Variants in SGMS1 observed in about 807,000 individuals in gnomAD.
SGMS1 encodes sphingomyelin synthase 1.
A neutral mutation model predicts 46.2 loss-of-function variants in SGMS1; 13 were observed. The ratio of observed to expected loss-of-function variants is 0.28; its 90% confidence interval spans 0.18 to 0.45. The LOEUF is 0.45. Ranked by LOEUF, SGMS1 falls within the 20% of genes least tolerant of loss-of-function variation. The pLI is 1.00. For synonymous variants in SGMS1, 203 were observed against 187.8 expected, an observed-to-expected ratio of 1.08 and a Z score of -0.66; for missense variants, 324 against 519.9, an observed-to-expected ratio of 0.62 and a Z score of 3.66.
At chr10:50,310,869 G>C (rs990805707) in intron 9 of SGMS1, among the ~76,000 whole-genome samples, 1 of 152,190 alleles carries the variant, frequency 6.6e-6, no homozygotes, top group Admixed American at 6.5e-5. Flanking sequence ...ATAGTGCCAA[G>C]TGCTGAAAAA....
intron 5 of SGMS1, among the ~76,000 whole-genome samples, chr10:50,453,726 CAA>C (rs1837141945): frequency 7.2e-6 from 1 of 138,106 alleles, no homozygotes; most frequent in Admixed American, 7.5e-5. Flanking sequence ...CCAGAAAACC[CAA>C]AGATTCTCAG....
chr10:50,432,098 A>G (rs1048572199), intron 6 of SGMS1, among the ~76,000 whole-genome samples: 4 of 152,200 alleles, frequency 2.6e-5, no homozygotes, highest in African/African-American at 9.7e-5. Flanking sequence ...GAGGCAGATA[A>G]TTAAAGAATT....
At chr10:50,361,718 A>G (rs980346008) in intron 6 of SGMS1, among the ~76,000 whole-genome samples, 1 of 152,072 alleles carries the variant, frequency 6.6e-6, no homozygotes, top group African/African-American at 2.4e-5. Flanking sequence ...TTCTGCCTCC[A>G]GCCTGGCTCA....
chr10:50,382,592 C>CACA (rs1360299354), intron 6 of SGMS1, among the ~76,000 whole-genome samples: 4 of 149,258 alleles, frequency 2.7e-5, no homozygotes, highest in Non-Finnish European at 4.5e-5. Flanking sequence ...CACACACACA[C>CACA]AACTTCCCCA....
chr10:50,483,294 G>A (rs936350256), intron 3 of SGMS1, among the ~76,000 whole-genome samples: 5 of 152,116 alleles, frequency 3.3e-5, no homozygotes, highest in Non-Finnish European at 7.4e-5. Context: ...TGTCCAGGCT[G>A]GTCTTGAACT....
intron 3 of SGMS1, among the ~76,000 whole-genome samples, chr10:50,480,450 T>C (rs570689991): frequency 6.6e-6 from 1 of 152,034 alleles, no homozygotes; most frequent in African/African-American, 2.4e-5. Flanking sequence ...CCAGATTCTC[T>C]CACTGGGACT....
At chr10:50,623,313 G>A (rs1189390027) in intron 1 of SGMS1, among the ~76,000 whole-genome samples, 1 of 152,148 alleles carries the variant, frequency 6.6e-6, no homozygotes, top group East Asian at 1.9e-4. Flanking sequence ...GACCCCGGGC[G>A]GGCTACTGCC....
chr10:50,603,904 C>G (rs1838671192), intron 1 of SGMS1, among the ~76,000 whole-genome samples: 1 of 152,124 alleles, frequency 6.6e-6, no homozygotes, highest in Admixed American at 6.5e-5. Flanking sequence ...TTATTATTTA[C>G]TAAATTTTCA....
chr10:50,350,454 T>C (rs1847989429), intron 6 of SGMS1, among the ~76,000 whole-genome samples: 1 of 152,160 alleles, frequency 6.6e-6, no homozygotes, highest in African/African-American at 2.4e-5. Flanking sequence ...AGGAGCTTAG[T>C]GTTAATCCCC....
chr10:50,311,139 C>T, intron 9 of SGMS1, 123 bp downstream of exon 9: 1 of 1,155,526 alleles, frequency 8.7e-7, no homozygotes, highest in Non-Finnish European at 1.2e-6. Flanking sequence ...GATGAAGCTG[C>T]AAGCCTCCTG....
chr10:50,624,992 C>A (rs1838908903), upstream of SGMS1: 2 of 1,027,454 alleles, frequency 1.9e-6, no homozygotes, highest in Admixed American at 5.4e-5. Flanking sequence ...TCGGAACCGA[C>A]CTGGGAGCTG....
chr10:50,383,791 A>AT (rs150631552), intron 6 of SGMS1, among the ~76,000 whole-genome samples: 1,934 of 152,276 alleles, frequency 0.013, 42 homozygotes, highest in African/African-American at 0.044. Context: ...CAAAGATGCC[A>AT]TTTTTTCAGT....
intron 6 of SGMS1, among the ~76,000 whole-genome samples, chr10:50,407,792 CTTTG>C (rs1849038164): frequency 6.6e-6 from 1 of 152,084 alleles, no homozygotes; most frequent in African/African-American, 2.4e-5. Context: ...AATAATATAC[CTTTG>C]TTTGGCCTAA....
intron 1 of SGMS1, among the ~76,000 whole-genome samples, chr10:50,611,354 A>C (rs1339564646): frequency 1.3e-5 from 2 of 152,188 alleles, no homozygotes; most frequent in African/African-American, 4.8e-5. Context: ...CTTGTGACAG[A>C]GTGGTTATTA....
At chr10:50,477,793 C>T (rs930533892) in intron 3 of SGMS1, among the ~76,000 whole-genome samples, 7 of 152,106 alleles carry the variant, frequency 4.6e-5, no homozygotes, top group African/African-American at 1.4e-4. Flanking sequence ...CTTTCCCTTC[C>T]CAGCCATGTG....
intron 6 of SGMS1, among the ~76,000 whole-genome samples, chr10:50,352,258 G>A (rs573736813): frequency 6.6e-6 from 1 of 152,224 alleles, no homozygotes; most frequent in East Asian, 1.9e-4. Context: ...CAGCTATACA[G>A]GGTGAGGTAA....
intron 6 of SGMS1, among the ~76,000 whole-genome samples, chr10:50,347,262 T>A (rs139258943): frequency 0.013 from 2,039 of 152,316 alleles, 17 homozygotes; most frequent in Non-Finnish European, 0.023. Flanking sequence ...TCTTCAAAAA[T>A]ATTCCTTTGA....
At chr10:50,406,836 C>T (rs1849022597) in intron 6 of SGMS1, among the ~76,000 whole-genome samples, 1 of 152,038 alleles carries the variant, frequency 6.6e-6, no homozygotes, top group African/African-American at 2.4e-5. Flanking sequence ...TCCCAGGCAG[C>T]TAGGGCTACA....
At chr10:50,426,711 G>A (rs1849330904) in intron 6 of SGMS1, among the ~76,000 whole-genome samples, 1 of 152,172 alleles carries the variant, frequency 6.6e-6, no homozygotes, top group Admixed American at 6.5e-5. Context: ...AGGAAGAAAG[G>A]GGAACAGCTA....
Sources: gnomAD v4.1 joint callset for allele counts (sites outside exome capture counted in the v4.1 genomes callset) on GRCh38, gnomAD v4.1.1 for gene constraint, MANE v1.5 for transcripts, NCBI Gene and HGNC (gene_info 2026-07-23, HGNC 2026-07-21) for gene names.